Variants in ELP4 observed in about 807,000 individuals in gnomAD.
The protein encoded by ELP4 is elongator acetyltransferase complex subunit 4, also known as elongator complex protein 4.
Under a neutral mutation model 48.9 loss-of-function variants are expected in ELP4, and 51 were observed. The observed-to-expected ratio is 1.04, with a 90% CI of 0.83 to 1.32. The LOEUF is 1.32. ELP4 is among the 40% of genes most tolerant of loss of function. The pLI is 0.00. For synonymous variants in ELP4, 210 were observed against 189.2 expected (o/e 1.11, Z -0.90); for missense variants, 519 against 514.6 (o/e 1.01, Z -0.08).
In ELP4 at chr11:31,547,248, T is replaced by C. The variant is rs1956745570; in HGVS notation, c.381+7465T>C. ...ATTGATAGACTGCTAGCAAGACTAA[T>C]AAAGAAAAAAAGAGAGAAGAATCAA... On this transcript the variant is annotated intron_variant, in intron 3 of 9. Coordinates refer to ENST00000640961, the MANE Select transcript of ELP4 (RefSeq NM_019040.5). Among the ~76,000 whole-genome samples, 7 of 150,386 alleles carry C rather than the reference T, an allele frequency of 4.7e-5. No homozygotes were observed. The South Asian group carries it at 1.5e-3, about 32-fold the overall frequency.
At chr11:31,750,412 G>A (rs140101141) in intron 9 of ELP4, among the ~76,000 whole-genome samples, 360 of 151,884 alleles carry the variant, frequency 2.4e-3, no homozygotes, top group African/African-American at 8.3e-3. Flanking sequence ...TTTCTTTTTA[G>A]TACATGATTA....
chr11:31,698,920 A>C (rs1946465963), intron 9 of ELP4, among the ~76,000 whole-genome samples: 1 of 152,198 alleles, frequency 6.6e-6, no homozygotes, highest in Non-Finnish European at 1.5e-5. Flanking sequence ...TTGTTCATCA[A>C]AGCCTGCTAC....
At chr11:31,739,616 ATGT>A (rs1195132398) in intron 9 of ELP4, among the ~76,000 whole-genome samples, 1 of 152,184 alleles carries the variant, frequency 6.6e-6, no homozygotes, top group East Asian at 1.9e-4. Context: ...ACAGAATCTC[ATGT>A]TAAGATTCAT....
intron 7 of ELP4, among the ~76,000 whole-genome samples, chr11:31,641,126 G>A (rs1945085601): frequency 1.3e-5 from 2 of 151,874 alleles, no homozygotes; most frequent in African/African-American, 4.8e-5. Context: ...GTCAACATTA[G>A]TTCTTAATTT....
chr11:31,556,962 A>G (rs1450892539), intron 3 of ELP4, among the ~76,000 whole-genome samples: 3 of 151,940 alleles, frequency 2.0e-5, no homozygotes, highest in Admixed American at 6.6e-5. Flanking sequence ...AATTTAATCA[A>G]TTAAGCTGAA....
chr11:31,567,920 G>T (rs1446569936), intron 3 of ELP4, among the ~76,000 whole-genome samples: 1 of 152,174 alleles, frequency 6.6e-6, no homozygotes, highest in African/African-American at 2.4e-5. Flanking sequence ...AGGTTGGGGT[G>T]ACTGTGGTAA....
At chr11:31,707,682 A>G (rs1946662267) in intron 9 of ELP4, among the ~76,000 whole-genome samples, 1 of 152,176 alleles carries the variant, frequency 6.6e-6, no homozygotes, top group Non-Finnish European at 1.5e-5. Flanking sequence ...CTATAATTCT[A>G]GAGGTCAGAG....
intron 6 of ELP4, among the ~76,000 whole-genome samples, chr11:31,630,621 G>A (rs551038807): frequency 1.3e-5 from 2 of 151,904 alleles, no homozygotes; most frequent in South Asian, 2.1e-4. Flanking sequence ...GAACCACAGC[G>A]CCTGGCTTCT....
intron 3 of ELP4, among the ~76,000 whole-genome samples, chr11:31,568,887 C>G (rs1281083536): frequency 2.6e-5 from 4 of 152,042 alleles, no homozygotes; most frequent in Non-Finnish European, 4.4e-5. Flanking sequence ...GAGTTCAAGA[C>G]CAGCCTGGCC....
intron 3 of ELP4, among the ~76,000 whole-genome samples, chr11:31,549,739 A>T (rs570158844): frequency 6.6e-6 from 1 of 152,360 alleles, no homozygotes; most frequent in African/African-American, 2.4e-5. Context: ...TACCTACCCA[A>T]ATGTCCAACA....
At chr11:31,697,928 T>G (rs1292308422) in intron 9 of ELP4, among the ~76,000 whole-genome samples, 1 of 151,336 alleles carries the variant, frequency 6.6e-6, no homozygotes, top group Non-Finnish European at 1.5e-5. Flanking sequence ...TGAACTTTAG[T>G]AGTGCTTCTA....
intron 2 of ELP4, among the ~76,000 whole-genome samples, chr11:31,537,489 G>A (rs1364279426): frequency 2.0e-5 from 3 of 152,054 alleles, no homozygotes; most frequent in Non-Finnish European, 4.4e-5. Flanking sequence ...GTCCCTTCTC[G>A]CACTGCTCTA....
chr11:31,633,267 C>A (rs1044233392), intron 7 of ELP4: 1 of 152,056 alleles, frequency 6.6e-6, no homozygotes, highest in African/African-American at 2.4e-5. Context: ...GCATATATAG[C>A]AAATATGACT....
chr11:31,642,489 A>T (rs1945119523), intron 7 of ELP4, among the ~76,000 whole-genome samples: 1 of 151,874 alleles, frequency 6.6e-6, no homozygotes, highest in African/African-American at 2.4e-5. Context: ...CAAGGTTAGG[A>T]ATATTTGCCA....
At chr11:31,703,920 G>A (rs1413221952) in intron 9 of ELP4, among the ~76,000 whole-genome samples, 1 of 151,978 alleles carries the variant, frequency 6.6e-6, no homozygotes, top group Non-Finnish European at 1.5e-5. Context: ...GAATATATAT[G>A]TCCAAAAAAT....
chr11:31,707,792 T>G (rs907306144), intron 9 of ELP4, among the ~76,000 whole-genome samples: 2 of 152,184 alleles, frequency 1.3e-5, no homozygotes, highest in African/African-American at 2.4e-5. Flanking sequence ...TTCTGTAAAC[T>G]ACCAGCATTC....
chr11:31,517,666 G>C (rs1406970507), intron 1 of ELP4, among the ~76,000 whole-genome samples: 1 of 151,700 alleles, frequency 6.6e-6, no homozygotes, highest in East Asian at 1.9e-4. Flanking sequence ...ACCTAGGCTG[G>C]AGTGCAGTGG....
chr11:31,516,664 G>A (rs1490563559), intron 1 of ELP4, among the ~76,000 whole-genome samples: 2 of 152,072 alleles, frequency 1.3e-5, no homozygotes, highest in African/African-American at 2.4e-5. Flanking sequence ...GCTAATTTTT[G>A]TATTTTTTGT....
intron 3 of ELP4, among the ~76,000 whole-genome samples, chr11:31,544,196 G>C (rs569881817): frequency 1.3e-5 from 2 of 152,384 alleles, no homozygotes; most frequent in Admixed American, 6.5e-5. Flanking sequence ...GCAGGGCGAG[G>C]CATTGCCTCA....
Sources: allele counts gnomAD v4.1 joint callset (sites outside exome capture counted in the v4.1 genomes callset), GRCh38; gene constraint gnomAD v4.1.1; transcripts MANE v1.5; gene names NCBI Gene and HGNC (gene_info 2026-07-23, HGNC 2026-07-21).